The following EFCAB6 variants were observed in gnomAD, a reference collection of about 807,000 sequenced individuals.
EFCAB6 encodes EF-hand calcium-binding domain-containing protein 6.
EFCAB6 carries 156 observed loss-of-function variants against 169.8 expected under a neutral mutation model. That is an observed-to-expected ratio of 0.92 (90% confidence interval 0.81 to 1.05). The LOEUF (loss-of-function observed/expected upper bound fraction) is 1.05. EFCAB6 is among the 50% of genes least tolerant of loss of function. The pLI, the probability that EFCAB6 is intolerant of heterozygous loss-of-function variation, is 0.00. For synonymous variants in EFCAB6, 698 were observed against 676.4 expected, an observed-to-expected ratio of 1.03 and a Z score of -0.50; for missense variants, 1,800 against 1,829.1, an observed-to-expected ratio of 0.98 and a Z score of 0.29.
chr22:43,695,703 C>T (rs546079847), intron 10 of EFCAB6, among the ~76,000 whole-genome samples: 4 of 152,116 alleles, frequency 2.6e-5, no homozygotes, highest in South Asian at 2.1e-4. Context: ...TTTCAACAAA[C>T]GTGCAAAGTA....
At chr22:43,625,869 G>A (rs2054478251) in intron 20 of EFCAB6, among the ~76,000 whole-genome samples, 1 of 152,248 alleles carries the variant, frequency 6.6e-6, no homozygotes, top group African/African-American at 2.4e-5. Flanking sequence ...ACTTGACAAA[G>A]ATTTATCTGC....
intron 17 of EFCAB6, among the ~76,000 whole-genome samples, chr22:43,660,477 A>G (rs976706651): frequency 4.6e-5 from 7 of 152,046 alleles, no homozygotes; most frequent in African/African-American, 1.7e-4. Context: ...TTTTTTCCAT[A>G]CTAGTAATGC....
At chr22:43,629,130 A>G (rs1241653192) in intron 19 of EFCAB6, among the ~76,000 whole-genome samples, 1 of 152,196 alleles carries the variant, frequency 6.6e-6, no homozygotes. Flanking sequence ...CAGAGGTGTG[A>G]GGGCCAGGTG....
At chr22:43,618,653 A>T (rs956338893) in intron 20 of EFCAB6, among the ~76,000 whole-genome samples, 1 of 152,218 alleles carries the variant, frequency 6.6e-6, no homozygotes, top group Non-Finnish European at 1.5e-5. Flanking sequence ...ATGTGAACAG[A>T]AAAAGGTCCA....
chr22:43,737,694 C>T (rs935176730), intron 6 of EFCAB6, among the ~76,000 whole-genome samples: 3 of 149,854 alleles, frequency 2.0e-5, no homozygotes, highest in Non-Finnish European at 3.0e-5. Flanking sequence ...TGTGCATGTA[C>T]TCATACACAC....
In EFCAB6 at chr22:43,713,851, C is replaced by T. The variant is rs139768654; in HGVS notation, c.883-2228G>A. Among the ~76,000 whole-genome samples the T allele has an allele frequency of 3.1e-3, 469 of 152,118 alleles. 3 individuals are homozygous for T. The highest frequency in any genetic ancestry group is 0.011 in the African/African-American group (455 of 41,508). On this transcript the variant is annotated intron_variant, in intron 9 of 31. Transcript: ENST00000262726. The stretch of plus-strand genomic sequence containing the variant: ...GAGTGAATCTCATCTTGAGCACAAA[C>T]AGGATGAAAAATAAATGGTTTTGCA...
At chr22:43,784,755 T>C (rs2062018246) in intron 2 of EFCAB6, among the ~76,000 whole-genome samples, 1 of 147,750 alleles carries the variant, frequency 6.8e-6, no homozygotes. Context: ...CATGCACCTG[T>C]AGTCCTAGCT....
chr22:43,562,558 C>G (rs1247267981), intron 26 of EFCAB6, among the ~76,000 whole-genome samples: 2 of 93,980 alleles, frequency 2.1e-5, no homozygotes, highest in Admixed American at 1.1e-4. Context: ...GCAGCCCAGT[C>G]AGAGGTGGGA....
intron 8 of EFCAB6, among the ~76,000 whole-genome samples, chr22:43,729,771 T>C (rs1174254478): frequency 1.3e-5 from 2 of 152,108 alleles, no homozygotes; most frequent in Non-Finnish European, 2.9e-5. Flanking sequence ...GAAACAACAT[T>C]AGAGATCTAG....
chr22:43,662,377 T>C (rs1189533750), intron 17 of EFCAB6, among the ~76,000 whole-genome samples: 1 of 152,014 alleles, frequency 6.6e-6, no homozygotes, highest in Admixed American at 6.5e-5. Flanking sequence ...CCCTCTGCCA[T>C]GGCACAGGGA....
Position 43,574,089 on chromosome 22 carries a change from G to A in EFCAB6, c.3420+2208C>T, listed in dbSNP as rs930435089. Among the ~76,000 whole-genome samples, 6 of 151,880 alleles carry A rather than the reference G, an allele frequency of 4.0e-5. No homozygotes were observed. The East Asian group carries it at 1.2e-3, about 29-fold the overall frequency. ...GAAATGAACCCAAAATGTAGATAGA[G>A]ATTTACATGCAAAGTGCTCACTGTA... is the stretch of plus-strand genomic sequence containing the variant. On this transcript the variant is annotated intron_variant, in intron 26 of 31. Coordinates refer to ENST00000262726, the MANE Select transcript of EFCAB6 (RefSeq NM_022785.4).
chr22:43,706,125 T>C (rs1005689154), intron 10 of EFCAB6, among the ~76,000 whole-genome samples: 3 of 152,176 alleles, frequency 2.0e-5, no homozygotes, highest in African/African-American at 7.2e-5. Flanking sequence ...TCTAGACATA[T>C]ACAACCTTCC....
intron 19 of EFCAB6, among the ~76,000 whole-genome samples, chr22:43,631,844 C>T (rs2054969271): frequency 6.6e-6 from 1 of 152,034 alleles, no homozygotes; most frequent in South Asian, 2.1e-4. Flanking sequence ...TGCTTCTTCT[C>T]CACCAACATC....
intron 6 of EFCAB6, among the ~76,000 whole-genome samples, chr22:43,754,799 T>A (rs1190406631): frequency 2.0e-5 from 3 of 152,204 alleles, no homozygotes; most frequent in African/African-American, 7.2e-5. Context: ...CATATCATGA[T>A]GAACACAGTT....
chr22:43,547,950 G>A (rs1160562681), intron 27 of EFCAB6, among the ~76,000 whole-genome samples: 1 of 151,920 alleles, frequency 6.6e-6, no homozygotes, highest in Non-Finnish European at 1.5e-5. Context: ...AACAAAATTA[G>A]CTGGATGTGG....
chr22:43,784,487 C>T (rs2061939105), intron 2 of EFCAB6, among the ~76,000 whole-genome samples: 1 of 61,890 alleles, frequency 1.6e-5, no homozygotes, highest in Non-Finnish European at 3.1e-5. Context: ...CCTGTCTCTA[C>T]CAAAAAAAAA....
chr22:43,787,897 G>T (rs2062138878), intron 2 of EFCAB6, among the ~76,000 whole-genome samples: 1 of 152,150 alleles, frequency 6.6e-6, no homozygotes, highest in Non-Finnish European at 1.5e-5. Context: ...TCTGGCATAA[G>T]TATGCACATA....
chr22:43,587,667 C>T (rs1166989950), intron 24 of EFCAB6, among the ~76,000 whole-genome samples: 1 of 152,206 alleles, frequency 6.6e-6, no homozygotes, highest in Non-Finnish European at 1.5e-5. Context: ...ATAATCCAGG[C>T]TCATCTTCCC....
chr22:43,737,650 C>A (rs111213349), intron 6 of EFCAB6, among the ~76,000 whole-genome samples: 2,761 of 150,048 alleles, frequency 0.018, 83 homozygotes, highest in African/African-American at 0.064. Flanking sequence ...TGCACACACA[C>A]CATCATTCAC....
Sources: allele counts gnomAD v4.1 joint callset (sites outside exome capture counted in the v4.1 genomes callset), GRCh38; gene constraint gnomAD v4.1.1; transcripts MANE v1.5; gene names NCBI Gene and HGNC (gene_info 2026-07-23, HGNC 2026-07-21).